The following BANP variants were observed in gnomAD, a reference collection of about 807,000 sequenced individuals.
The protein encoded by BANP is protein BANP.
BANP carries 11 observed loss-of-function variants against 68.1 expected under a neutral mutation model. That is an observed-to-expected ratio of 0.16 (90% CI 0.10 to 0.27). The LOEUF is 0.27. Among genes scored for constraint, BANP ranks in the 10% least tolerant of loss-of-function variants. The probability of loss-of-function intolerance (pLI) is 1.00; values close to 1 mark genes in which losing one functional copy is unlikely to be tolerated. For synonymous variants in BANP, 329 were observed against 303.2 expected, an observed-to-expected ratio of 1.09 and a Z score of -0.88; for missense variants, 504 against 722.7, an observed-to-expected ratio of 0.70 and a Z score of 3.47.
At chr16:88,032,442 T>C (rs1369415825) in intron 8 of BANP, among the ~76,000 whole-genome samples, 4 of 151,954 alleles carry the variant, frequency 2.6e-5, no homozygotes, top group African/African-American at 9.7e-5. Context: ...CCTCAGGTGA[T>C]CTACCTGCCT....
At chr16:88,046,409 G>A (rs558865724) in intron 11 of BANP, among the ~76,000 whole-genome samples, 2 of 152,338 alleles carry the variant, frequency 1.3e-5, no homozygotes, top group African/African-American at 2.4e-5. Flanking sequence ...TCTTTCACGT[G>A]AATTAAACGG....
chr16:88,053,779 C>G (rs1268688909), intron 11 of BANP, among the ~76,000 whole-genome samples: 15 of 145,096 alleles, frequency 1.0e-4, no homozygotes, highest in African/African-American at 4.0e-4. Context: ...CACAGCCACC[C>G]TAACAACCAC....
chr16:88,062,540 A>C (rs367905861), intron 11 of BANP, among the ~76,000 whole-genome samples: 1 of 152,202 alleles, frequency 6.6e-6, no homozygotes, highest in Non-Finnish European at 1.5e-5. Context: ...GGAAAGTAGC[A>C]CGTGTCTCCA....
At chr16:88,010,577 A>G (rs1418207851) in intron 6 of BANP, among the ~76,000 whole-genome samples, 1 of 152,214 alleles carries the variant, frequency 6.6e-6, no homozygotes, top group Non-Finnish European at 1.5e-5. Context: ...TGTCCACAGA[A>G]TGTCGGCCAT....
chr16:88,023,872 C>A (rs185975092), intron 7 of BANP, among the ~76,000 whole-genome samples: 1 of 152,238 alleles, frequency 6.6e-6, no homozygotes, highest in Non-Finnish European at 1.5e-5. Flanking sequence ...CCTGGCTGAG[C>A]CTGGAAGGCA....
At chr16:87,993,799 C>T (rs2066490460) in intron 4 of BANP, among the ~76,000 whole-genome samples, 1 of 152,142 alleles carries the variant, frequency 6.6e-6, no homozygotes, top group South Asian at 2.1e-4. Flanking sequence ...CGGGGTTTCA[C>T]CATGTTGACC....
chr16:88,062,208 T>G (rs552667915), intron 11 of BANP, among the ~76,000 whole-genome samples: 1 of 152,286 alleles, frequency 6.6e-6, no homozygotes, highest in South Asian at 2.1e-4. Context: ...GGGGTTCTTT[T>G]GTTTGGTTTT....
Position 87,967,717 on chromosome 16 carries a change from G to A in BANP, c.-68-7331G>A, listed in dbSNP as rs148673078. Among the ~76,000 whole-genome samples the A allele has an allele frequency of 2.5e-3, 377 of 151,354 alleles. 1 individual carries two copies. The highest frequency in any genetic ancestry group is 8.7e-3 in the African/African-American group (359 of 41,202). ...GCTCATTGCAGCCTCCGCCTCCTGG[G>A]TTCAAGTGATTCTGCTGCCTCAGCC... On this transcript the variant is annotated intron_variant, in intron 1 of 13. Coordinates refer to ENST00000682872, the MANE Select transcript of BANP (RefSeq NM_001386991.1).
intron 11 of BANP, among the ~76,000 whole-genome samples, chr16:88,044,918 C>T (rs1044766530): frequency 5.9e-5 from 9 of 152,032 alleles, no homozygotes; most frequent in African/African-American, 2.2e-4. Context: ...GGAGGCGGAG[C>T]TTGCATTGAG....
chr16:87,997,504 G>C (rs556786475), intron 4 of BANP, among the ~76,000 whole-genome samples: 1 of 152,346 alleles, frequency 6.6e-6, no homozygotes, highest in East Asian at 1.9e-4. Flanking sequence ...AGCCAGGATG[G>C]CTGGGAGTGA....
chr16:87,989,506 G>A (rs2065322508), intron 4 of BANP, among the ~76,000 whole-genome samples: 1 of 152,280 alleles, frequency 6.6e-6, no homozygotes, highest in Non-Finnish European at 1.5e-5. Context: ...GGTGTAAACA[G>A]GATGCAGCAG....
chr16:87,959,648 A>G (rs533409920), intron 1 of BANP, among the ~76,000 whole-genome samples: 1 of 152,326 alleles, frequency 6.6e-6, no homozygotes, highest in East Asian at 1.9e-4. Context: ...GGAGGGACAC[A>G]TGGAGCATTG....
intron 2 of BANP, among the ~76,000 whole-genome samples, chr16:87,976,541 C>T (rs1387638264): frequency 7.5e-6 from 1 of 133,468 alleles, no homozygotes; most frequent in East Asian, 2.2e-4. Flanking sequence ...AAGTGACCAG[C>T]CCACCACAGT....
intron 9 of BANP, among the ~76,000 whole-genome samples, chr16:88,034,356 T>C (rs948612306): frequency 2.3e-4 from 35 of 152,354 alleles, no homozygotes; most frequent in Admixed American, 1.4e-3. Flanking sequence ...CAGGAGTTTA[T>C]TTTAAGATCC....
At chr16:87,962,263 A>AATCG (rs2059328919) in intron 1 of BANP, among the ~76,000 whole-genome samples, 1 of 149,712 alleles carries the variant, frequency 6.7e-6, no homozygotes, top group African/African-American at 2.5e-5. Flanking sequence ...AAAAGAAAGC[A>AATCG]CATTTTTTTC....
chr16:88,012,481 T>C (rs973806681), intron 6 of BANP, among the ~76,000 whole-genome samples: 2 of 152,222 alleles, frequency 1.3e-5, no homozygotes, highest in African/African-American at 4.8e-5. Flanking sequence ...CGTAACACCA[T>C]GCTCTAAGGC....
chr16:87,973,132 T>C (rs2061416582), intron 1 of BANP, among the ~76,000 whole-genome samples: 1 of 152,108 alleles, frequency 6.6e-6, no homozygotes, highest in African/African-American at 2.4e-5. Flanking sequence ...TCTGTGTGTC[T>C]GTATGGGAGG....
At chr16:88,030,895 G>A (rs2078029317) in intron 8 of BANP, among the ~76,000 whole-genome samples, 1 of 152,236 alleles carries the variant, frequency 6.6e-6, no homozygotes, top group South Asian at 2.1e-4. Context: ...TGTCTTTGGG[G>A]AAACGGTTAG....
chr16:87,970,377 GTTTTTC>G (rs1359685888), intron 1 of BANP, among the ~76,000 whole-genome samples: 1 of 152,168 alleles, frequency 6.6e-6, no homozygotes, highest in Admixed American at 6.5e-5. Flanking sequence ...GATAGTGTGT[GTTTTTC>G]TTTTTCTGAT....
Sources: gnomAD v4.1 joint callset for allele counts (sites outside exome capture counted in the v4.1 genomes callset) on GRCh38, gnomAD v4.1.1 for gene constraint, MANE v1.5 for transcripts, NCBI Gene and HGNC (gene_info 2026-07-23, HGNC 2026-07-21) for gene names.